The following EYS variants were observed in gnomAD, a reference collection of about 807,000 sequenced individuals.
The protein encoded by EYS is protein eyes shut homolog.
In EYS, 250 loss-of-function variants were observed where a neutral mutation model predicts 282.1. The ratio of observed to expected loss-of-function variants is 0.89; its 90% confidence interval spans 0.80 to 0.98. EYS has a LOEUF of 0.98. EYS is among the 50% of genes least tolerant of loss of function. EYS has a pLI of 0.00. For synonymous variants in EYS, 1,355 were observed against 1,282.9 expected (o/e 1.06, Z -1.20); for missense variants, 4,016 against 3,709.0 (o/e 1.08, Z -2.15).
chr6:65,506,211 G>C (rs932294644), intron 2 of EYS, among the ~76,000 whole-genome samples: 2 of 152,026 alleles, frequency 1.3e-5, no homozygotes. Context: ...ACCTACCTGA[G>C]TCTTTATATT....
intron 12 of EYS, among the ~76,000 whole-genome samples, chr6:65,200,212 T>C (rs1765866635): frequency 6.8e-6 from 1 of 148,006 alleles, no homozygotes; most frequent in African/African-American, 2.6e-5. Flanking sequence ...ACTGAGTGAA[T>C]TGTGGTGTTC....
intron 29 of EYS, chr6:64,379,802 G>A (rs945256841): frequency 2.0e-5 from 3 of 152,042 alleles, no homozygotes; most frequent in Non-Finnish European, 4.4e-5. Context: ...AATGGTATGT[G>A]ACATATATAT....
intron 15 of EYS, among the ~76,000 whole-genome samples, chr6:64,919,692 CT>C (rs1302069952): frequency 2.0e-5 from 3 of 151,948 alleles, no homozygotes; most frequent in Non-Finnish European, 4.4e-5. Context: ...ATATAATTCT[CT>C]TCAAATTATC....
intron 29 of EYS, among the ~76,000 whole-genome samples, chr6:64,375,693 T>G (rs1305464069): frequency 6.6e-6 from 1 of 152,208 alleles, no homozygotes; most frequent in Non-Finnish European, 1.5e-5. Flanking sequence ...GTAGTAAGAA[T>G]GAGGAGTAAA....
chr6:64,070,027 T>C (rs1771516400), intron 32 of EYS, among the ~76,000 whole-genome samples: 2 of 152,130 alleles, frequency 1.3e-5, no homozygotes, highest in Non-Finnish European at 2.9e-5. Context: ...GTTCAATCTG[T>C]TGTGAATTGT....
intron 26 of EYS, among the ~76,000 whole-genome samples, chr6:64,451,185 T>G (rs906840774): frequency 6.6e-6 from 1 of 152,054 alleles, no homozygotes; most frequent in Non-Finnish European, 1.5e-5. Context: ...ATATCACCAC[T>G]GATCCCACAG....
intron 18 of EYS, among the ~76,000 whole-genome samples, chr6:64,893,068 A>G (rs1179258736): frequency 6.6e-6 from 1 of 152,008 alleles, no homozygotes; most frequent in Admixed American, 6.6e-5. Flanking sequence ...TGCAAATTCT[A>G]TTTAGTTGTA....
At chr6:65,562,110 G>C (rs192676251) in intron 2 of EYS, among the ~76,000 whole-genome samples, 23 of 151,774 alleles carry the variant, frequency 1.5e-4, no homozygotes, top group Admixed American at 8.5e-4. Context: ...TGCATGTTTA[G>C]TAAAGACAAG....
At chr6:65,171,899 C>A (rs1765113829) in intron 12 of EYS, among the ~76,000 whole-genome samples, 1 of 151,392 alleles carries the variant, frequency 6.6e-6, no homozygotes, top group Non-Finnish European at 1.5e-5. Context: ...GTTGTTTTAA[C>A]TTACTTTTAA....
chr6:64,629,334 G>C (rs985353069), intron 22 of EYS, among the ~76,000 whole-genome samples: 2 of 152,030 alleles, frequency 1.3e-5, no homozygotes, highest in African/African-American at 2.4e-5. Context: ...TAAGAGATGA[G>C]AAGTCATGCA....
chr6:65,353,228 T>C (rs1177599214), intron 9 of EYS, among the ~76,000 whole-genome samples: 1 of 148,842 alleles, frequency 6.7e-6, no homozygotes, highest in African/African-American at 2.4e-5. Flanking sequence ...GAAATAGCTC[T>C]AGTTTACTTC....
At chr6:64,567,826 G>C (rs962305401) in intron 26 of EYS, among the ~76,000 whole-genome samples, 1 of 152,142 alleles carries the variant, frequency 6.6e-6, no homozygotes, top group Non-Finnish European at 1.5e-5. Context: ...TGTTATAATA[G>C]AGACCAGATT....
At chr6:64,666,921 T>C (rs1463780126) in intron 22 of EYS, among the ~76,000 whole-genome samples, 5 of 152,164 alleles carry the variant, frequency 3.3e-5, no homozygotes, top group Non-Finnish European at 5.9e-5. Flanking sequence ...TTCATTTTCC[T>C]AGACTTTTGT....
chr6:64,494,649 C>T (rs1776837802), intron 26 of EYS, among the ~76,000 whole-genome samples: 1 of 151,790 alleles, frequency 6.6e-6, no homozygotes, highest in Non-Finnish European at 1.5e-5. Context: ...TTGGTCTTTT[C>T]ATATTTGTAG....
chr6:64,591,359 T>G lies in EYS; in HGVS notation c.4508A>C (p.Lys1503Thr), dbSNP rs1766404724. Residue 1503 changes from lysine (K) to threonine (T), a missense_variant, in exon 26 of 43, where the codon AAA becomes ACA. Physicochemically the swap from Lys to Thr is moderately conservative, Grantham distance 78. Transcript: ENST00000503581. ...PIFPAKVIIS[K>T]QVTILNSSAL... is the part of the protein sequence containing the mutation. The stretch of plus-strand genomic sequence containing the variant: ...TGATGAGTTTAAGATGGTTACCTGT[T>G]TAGATATAATTACCTTAGCAGGAAA... 1.3e-6 allele frequency: 2 copies of G among 1,551,154 alleles called. No individual in the cohort carries two copies. Among genetic ancestry groups the G allele is most frequent in the African/African-American group, 1.4e-5 (1 of 72,980 alleles).
chr6:63,829,972 G>A (rs190097441), intron 36 of EYS, among the ~76,000 whole-genome samples: 36 of 152,298 alleles, frequency 2.4e-4, no homozygotes, highest in African/African-American at 8.4e-4. Context: ...CGACCTCCAG[G>A]AAACTCCAAC....
chr6:64,325,693 T>C (rs1770389398), intron 29 of EYS, among the ~76,000 whole-genome samples: 2 of 152,058 alleles, frequency 1.3e-5, no homozygotes, highest in Non-Finnish European at 2.9e-5. Flanking sequence ...GGGAGAAATA[T>C]TCAGGGAAAT....
intron 22 of EYS, among the ~76,000 whole-genome samples, chr6:64,689,872 C>T (rs1316319894): frequency 2.6e-5 from 4 of 152,118 alleles, no homozygotes; most frequent in Middle Eastern, 3.2e-3. Flanking sequence ...ACCATAAAAA[C>T]GCTGGAAGAA....
chr6:65,561,600 G>T (rs1427900770), intron 2 of EYS, among the ~76,000 whole-genome samples: 1 of 152,038 alleles, frequency 6.6e-6, no homozygotes, highest in Non-Finnish European at 1.5e-5. Context: ...TATTCAAAAG[G>T]TAATGTAACA....
Sources: gnomAD v4.1 joint callset for allele counts (sites outside exome capture counted in the v4.1 genomes callset) on GRCh38, gnomAD v4.1.1 for gene constraint, MANE v1.5 for transcripts, NCBI Gene and HGNC (gene_info 2026-07-23, HGNC 2026-07-21) for gene names.